STAC: variants seen among roughly 807,000 people sequenced by gnomAD.
STAC encodes SH3 and cysteine rich domain.
A neutral mutation model predicts 48.8 loss-of-function variants in STAC; 43 were observed. The observed-to-expected ratio is 0.88, with a 90% confidence interval of 0.69 to 1.14. The LOEUF (loss-of-function observed/expected upper bound fraction) is 1.14, where lower values mean the gene tolerates loss of function less well. Among genes scored for constraint, STAC ranks in the 50% most tolerant of loss-of-function variants. STAC has a pLI of 0.00. For missense variants in STAC, 497 were observed against 504.0 expected (o/e 0.99, Z 0.13); for synonymous variants, 193 against 179.5 (o/e 1.07, Z -0.60).
intron 8 of STAC, among the ~76,000 whole-genome samples, chr3:36,506,577 ATTTG>A (rs1484618469): frequency 2.6e-5 from 4 of 152,154 alleles, no homozygotes; most frequent in African/African-American, 9.7e-5. Context: ...ATGTTCTTCC[ATTTG>A]TTTGTGTCCT....
chr3:36,417,875 T>G (rs1700355630), intron 1 of STAC, among the ~76,000 whole-genome samples: 1 of 152,260 alleles, frequency 6.6e-6, no homozygotes, highest in Non-Finnish European at 1.5e-5. Flanking sequence ...ATATTTTCTT[T>G]GATGTTTAAG....
chr3:36,538,407 G>A (rs1699248141), intron 10 of STAC, among the ~76,000 whole-genome samples: 1 of 152,132 alleles, frequency 6.6e-6, no homozygotes, highest in African/African-American at 2.4e-5. Flanking sequence ...ATGTGTTTAA[G>A]TTTCTCTTGT....
At chr3:36,528,526 T>C (rs1338419791) in intron 8 of STAC, among the ~76,000 whole-genome samples, 170 bp from the exon 9 acceptor site, 1 of 152,074 alleles carries the variant, frequency 6.6e-6, no homozygotes, top group East Asian at 1.9e-4. Context: ...TTGCCTTCAA[T>C]GTGTAATACA....
intron 1 of STAC, among the ~76,000 whole-genome samples, chr3:36,388,423 G>A (rs1445469889): frequency 6.6e-6 from 1 of 151,782 alleles, no homozygotes; most frequent in African/African-American, 2.4e-5. Flanking sequence ...CATTTTCCCA[G>A]ATTGAAATTT....
intron 1 of STAC, among the ~76,000 whole-genome samples, chr3:36,410,045 A>C (rs1005825182): frequency 2.6e-5 from 4 of 152,212 alleles, no homozygotes; most frequent in African/African-American, 9.7e-5. Context: ...TTTGTCATTC[A>C]TCCCACTGTG....
chr3:36,412,919 C>A (rs1175820368), intron 1 of STAC, among the ~76,000 whole-genome samples: 1 of 152,128 alleles, frequency 6.6e-6, no homozygotes, highest in African/African-American at 2.4e-5. Flanking sequence ...GTGAGGCATA[C>A]ATTTCGTTAT....
Position 36,504,463 on chromosome 3 carries a change from T to C in STAC, c.831+6T>C, listed in dbSNP as rs745934225. 6.2e-7 allele frequency: 1 copy of C among 1,613,348 alleles called. No individual in the cohort carries two copies. Among genetic ancestry groups the C allele is most frequent in the African/African-American group, 1.3e-5 (1 of 74,990 alleles). ...CGAAGAACATAAACCACCAGGTATT[T>C]ATGGATGTCACAGAAGACAAGTCAG... On this transcript the variant is annotated splice_donor_region_variant and intron_variant, in intron 7 of 10. Coordinates refer to ENST00000273183, the MANE Select transcript of STAC (RefSeq NM_003149.3).
intron 8 of STAC, among the ~76,000 whole-genome samples, chr3:36,509,537 A>G (rs1278307948): frequency 1.3e-5 from 2 of 152,134 alleles, no homozygotes; most frequent in Non-Finnish European, 2.9e-5. Context: ...TTTCAGGTAC[A>G]CCAATCAAAT....
At chr3:36,533,505 G>A (rs7609592) in intron 10 of STAC, among the ~76,000 whole-genome samples, 5 of 59,608 alleles carry the variant, frequency 8.4e-5, no homozygotes, top group Non-Finnish European at 1.3e-4. Context: ...TTTTTTTTCA[G>A]AATAATCTTA....
At chr3:36,540,705 G>A (rs188453372) in intron 10 of STAC, among the ~76,000 whole-genome samples, 6 of 152,226 alleles carry the variant, frequency 3.9e-5, no homozygotes, top group Admixed American at 6.5e-5. Flanking sequence ...CATCCTAAAT[G>A]AGCCTAAAAT....
At chr3:36,477,935 T>G (rs1697535872) in intron 2 of STAC, among the ~76,000 whole-genome samples, 1 of 152,218 alleles carries the variant, frequency 6.6e-6, no homozygotes, top group Non-Finnish European at 1.5e-5. Flanking sequence ...AATCTGCTTT[T>G]TGTGACAGTA....
At chr3:36,470,210 G>T (rs1697292465) in intron 2 of STAC, among the ~76,000 whole-genome samples, 2 of 152,346 alleles carry the variant, frequency 1.3e-5, no homozygotes, top group African/African-American at 4.8e-5. Context: ...TCAGAGGGGA[G>T]ATTTAGGATT....
rs1176491684 is a variant in STAC at position 36,443,463 on chromosome 3, C to CT, written c.212dup (p.Gln72AlafsTer7). 6.2e-7 allele frequency: 1 copy of CT among 1,614,124 alleles called. No individual in the cohort carries two copies. Among genetic ancestry groups the CT allele is most frequent in the East Asian group, 2.2e-5 (1 of 44,890 alleles). Reference sequence around the variant, plus strand: ...GCGAACCAACAGCGAAGACATGAAACTGCAAGCACACATGGTGGCTGAGAT... The same window carrying CT: ...GCGAACCAACAGCGAAGACATGAAACTTGCAAGCACACATGGTGGCTGAGAT... On this transcript the variant is annotated frameshift_variant, in exon 2 of 11. Transcript: ENST00000273183. LOFTEE classifies it high-confidence loss of function. This position sits in a 1 kb window ranked among gnomAD's most constrained non-coding sequence, Gnocchi z 4.2.
intron 1 of STAC, among the ~76,000 whole-genome samples, chr3:36,414,708 G>GT (rs1700278130): frequency 6.6e-6 from 1 of 152,286 alleles, no homozygotes; most frequent in East Asian, 1.9e-4. Flanking sequence ...TCTGTTGCTG[G>GT]TAAGGAGCTG....
chr3:36,489,813 C>T (rs1408869933), intron 5 of STAC, among the ~76,000 whole-genome samples: 1 of 152,166 alleles, frequency 6.6e-6, no homozygotes, highest in East Asian at 1.9e-4. Context: ...TGAATGAGCA[C>T]CCTCCTCAGT....
intron 5 of STAC, 113 bp downstream of exon 5, chr3:36,486,362 G>A: frequency 1.1e-6 from 1 of 875,498 alleles, no homozygotes; most frequent in Non-Finnish European, 1.7e-6. Context: ...CAGGTCTGCA[G>A]GGAGTCAGGC....
At chr3:36,420,530 T>C (rs915938328) in intron 1 of STAC, among the ~76,000 whole-genome samples, 1 of 152,158 alleles carries the variant, frequency 6.6e-6, no homozygotes, top group Non-Finnish European at 1.5e-5. Flanking sequence ...AGCAGTGGCA[T>C]TAGATTCTCA....
rs1696427940 is a variant in STAC at position 36,443,780 on chromosome 3, T to C, written c.388+140T>C. The C allele has an allele frequency of 8.7e-7, 1 of 1,143,678 alleles. No homozygotes were observed. The highest frequency in any genetic ancestry group is 2.5e-5 in the Admixed American group (1 of 40,776). 70.8% of individuals were successfully genotyped at this position (1,143,678 alleles called of 1,614,324 possible). A position where few individuals can be genotyped will look rare whatever the true frequency, so the allele number is the denominator to read the frequency against. ...GTGGGAAGATCATTCAGGAGTGCTT[T>C]GGGGAACAATATTTGTGAGAAGGTA... On this transcript the variant is annotated intron_variant, in intron 2 of 10. Transcript: ENST00000273183. The surrounding 1 kb of genome is among the most constrained non-coding windows in gnomAD (Gnocchi z 4.2).
chr3:36,380,900 G>GGACCCGCCGAGTCTTGAACGTCCGGTAA, intron 1 of STAC, 146 bp downstream of exon 1: 1 of 590,622 alleles, frequency 1.7e-6, no homozygotes, highest in Non-Finnish European at 3.0e-6. Flanking sequence ...ACGTCCGGTA[G>GGACCCGCCGAGTCTTGAACGTCCGGTAA]GACCCGCTGC....
Sources: gnomAD v4.1 joint callset for allele counts (sites outside exome capture counted in the v4.1 genomes callset) on GRCh38, gnomAD v4.1.1 for gene constraint, Gnocchi (gnomAD v3.1) non-coding constraint, MANE v1.5 for transcripts, NCBI Gene and HGNC (gene_info 2026-07-23, HGNC 2026-07-21) for gene names.